KIAA1217: variants seen among roughly 807,000 people sequenced by gnomAD.
KIAA1217 encodes the protein sickle tail protein homolog.
KIAA1217 carries 88 observed loss-of-function variants against 163.9 expected under a neutral mutation model. The observed-to-expected ratio is 0.54, with a 90% confidence interval of 0.45 to 0.64. The LOEUF (loss-of-function observed/expected upper bound fraction) is 0.64. Among genes scored for constraint, KIAA1217 ranks in the 30% least tolerant of loss-of-function variants. The probability of loss-of-function intolerance (pLI) is 0.00; values close to 1 mark genes in which losing one functional copy is unlikely to be tolerated. For missense variants in KIAA1217, 2,372 were observed against 2,475.0 expected, an observed-to-expected ratio of 0.96 and a Z score of 0.88; for synonymous variants, 903 against 923.1, an observed-to-expected ratio of 0.98 and a Z score of 0.39.
At chr10:24,053,016 G>C (rs974037965) in intron 2 of KIAA1217, among the ~76,000 whole-genome samples, 1 of 152,152 alleles carries the variant, frequency 6.6e-6, no homozygotes, top group Non-Finnish European at 1.5e-5. Flanking sequence ...GCTATAGCAA[G>C]TTAACTATTA....
intron 2 of KIAA1217, among the ~76,000 whole-genome samples, chr10:24,249,290 C>T (rs1329000799): frequency 1.3e-5 from 2 of 152,126 alleles, no homozygotes; most frequent in African/African-American, 4.8e-5. Context: ...AAACATATGT[C>T]TGACATTAGT....
At chr10:23,902,071 G>A (rs898576778) in intron 1 of KIAA1217, among the ~76,000 whole-genome samples, 2 of 152,044 alleles carry the variant, frequency 1.3e-5, no homozygotes, top group Admixed American at 6.6e-5. Context: ...TGCAGTATTT[G>A]GTTCCCATGC....
chr10:24,144,346 A>G (rs79998933), intron 2 of KIAA1217, among the ~76,000 whole-genome samples: 2,031 of 152,348 alleles, frequency 0.013, 41 homozygotes, highest in African/African-American at 0.046. Flanking sequence ...AGAGGGAAAT[A>G]GAAGAGCAGA....
intron 1 of KIAA1217, among the ~76,000 whole-genome samples, chr10:23,975,397 C>T (rs1191073850): frequency 1.3e-5 from 2 of 152,216 alleles, no homozygotes; most frequent in Non-Finnish European, 1.5e-5. Flanking sequence ...CCTGCTGTCC[C>T]AGCAGGAGCT....
intron 2 of KIAA1217, among the ~76,000 whole-genome samples, chr10:24,338,318 T>C (rs2046653153): frequency 6.6e-6 from 1 of 152,214 alleles, no homozygotes. Flanking sequence ...GTGTCTGAAG[T>C]GCAGCTTCTT....
intron 2 of KIAA1217, among the ~76,000 whole-genome samples, chr10:24,193,149 G>A (rs541998081): frequency 6.6e-6 from 1 of 152,052 alleles, no homozygotes; most frequent in East Asian, 1.9e-4. Context: ...AAATTCCTGG[G>A]CTTGAGCGAT....
At chr10:24,217,895 C>G (rs1275015833) in intron 1 of KIAA1217, among the ~76,000 whole-genome samples, 1 of 151,998 alleles carries the variant, frequency 6.6e-6, no homozygotes, top group Non-Finnish European at 1.5e-5. Context: ...CTTTGCATAC[C>G]TAATGTTAGT....
chr10:24,036,688 G>T (rs1023868415), intron 2 of KIAA1217, among the ~76,000 whole-genome samples: 1 of 152,014 alleles, frequency 6.6e-6, no homozygotes, highest in Non-Finnish European at 1.5e-5. Flanking sequence ...AGACGGGAGG[G>T]CCCCGACCCT....
chr10:23,881,364 A>G (rs1840941359), intron 1 of KIAA1217, among the ~76,000 whole-genome samples: 1 of 151,978 alleles, frequency 6.6e-6, no homozygotes, highest in Non-Finnish European at 1.5e-5. Flanking sequence ...CATCTCAGTC[A>G]TCTGTCTCTT....
intron 5 of KIAA1217, among the ~76,000 whole-genome samples, chr10:24,471,379 C>G (rs1271649534): frequency 6.6e-6 from 1 of 152,134 alleles, no homozygotes; most frequent in Admixed American, 6.5e-5. Context: ...GCCTGTCTCT[C>G]CTTCCCTCAG....
chr10:23,761,899 CA>C (rs1287791917), intron 1 of KIAA1217, among the ~76,000 whole-genome samples: 3 of 151,828 alleles, frequency 2.0e-5, no homozygotes, highest in South Asian at 2.1e-4. Context: ...CAAATAGACA[CA>C]ACAAAAAATG....
intron 1 of KIAA1217, among the ~76,000 whole-genome samples, chr10:23,725,087 C>T (rs1838065297): frequency 6.6e-6 from 1 of 152,186 alleles, no homozygotes; most frequent in Non-Finnish European, 1.5e-5. Context: ...GTCATGGGTT[C>T]TCTTTCCTTT....
chr10:24,368,954 T>C, intron 2 of KIAA1217: 1 of 760,786 alleles, frequency 1.3e-6, no homozygotes, highest in South Asian at 6.0e-5. Context: ...GATTATTTTA[T>C]AAAAGTGAGA....
At chr10:24,516,200 C>T (rs1214784720) in intron 10 of KIAA1217, among the ~76,000 whole-genome samples, 1 of 152,236 alleles carries the variant, frequency 6.6e-6, no homozygotes, top group Admixed American at 6.5e-5. Flanking sequence ...TGCAAACCAA[C>T]AAGTTTCTGG....
At chr10:24,470,663 G>A (rs1458335652) in intron 5 of KIAA1217, among the ~76,000 whole-genome samples, 1 of 152,114 alleles carries the variant, frequency 6.6e-6, no homozygotes, top group Non-Finnish European at 1.5e-5. Context: ...AATTGTGAGG[G>A]AGGAGCCTGC....
chr10:23,751,797 T>C (rs897060145), intron 1 of KIAA1217, among the ~76,000 whole-genome samples: 1 of 152,188 alleles, frequency 6.6e-6, no homozygotes, highest in African/African-American at 2.4e-5. Context: ...AGATTATCTG[T>C]CTTGAAGATA....
chr10:24,306,565 T>C (rs1012949895), intron 2 of KIAA1217, among the ~76,000 whole-genome samples: 2 of 152,190 alleles, frequency 1.3e-5, no homozygotes, highest in African/African-American at 4.8e-5. Flanking sequence ...TAAGTCTGAG[T>C]GACTTGCGGG....
intron 2 of KIAA1217, among the ~76,000 whole-genome samples, chr10:24,072,177 C>T (rs903563940): frequency 1.3e-5 from 2 of 152,002 alleles, no homozygotes; most frequent in Admixed American, 6.6e-5. Flanking sequence ...AGGCACATAC[C>T]ACCACACCCA....
At chr10:24,376,563 G>A (rs1564567998) in intron 2 of KIAA1217, among the ~76,000 whole-genome samples, 1 of 152,156 alleles carries the variant, frequency 6.6e-6, no homozygotes, top group Non-Finnish European at 1.5e-5. Context: ...AGGAGTTTGA[G>A]ACCAGCCTGG....
Sources: allele counts gnomAD v4.1 joint callset (sites outside exome capture counted in the v4.1 genomes callset), GRCh38; gene constraint gnomAD v4.1.1; transcripts MANE v1.5; gene names NCBI Gene and HGNC (gene_info 2026-07-23, HGNC 2026-07-21).